The following IL37 variants were observed in gnomAD, a reference collection of about 807,000 sequenced individuals.
IL37 encodes the protein interleukin 37.
Under a neutral mutation model 15.4 loss-of-function variants are expected in IL37, and 15 were observed. The observed-to-expected ratio is 0.98, with a 90% CI of 0.65 to 1.50. The LOEUF (loss-of-function observed/expected upper bound fraction) is 1.50. IL37 is among the 40% of genes most tolerant of loss of function. The pLI is 0.00. For synonymous variants in IL37, 98 were observed against 97.4 expected, an observed-to-expected ratio of 1.01 and a Z score of -0.03; for missense variants, 269 against 261.7, an observed-to-expected ratio of 1.03 and a Z score of -0.19.
At position 112,913,842 on chromosome 2, in the gene IL37, T is replaced by A; in HGVS notation, c.133T>A (p.Phe45Ile). The stretch of plus-strand genomic sequence containing the variant: ...AGGCCCAAGCCTCCCCACCATGAAT[T>A]TTGTTCACACAAGTAAGGCCTCGGG... Reference protein sequence around the residue: ...EPGPSLPTMNFVHTSPKVKNL... With the variant: ...EPGPSLPTMNIVHTSPKVKNL... The change falls in exon 3 of 6, where the codon TTT becomes ATT. Residue 45 changes from phenylalanine to isoleucine, a missense_variant. Transcript: ENST00000263326. 6.2e-7 allele frequency: 1 copy of A among 1,613,632 alleles called. No individual in the cohort carries two copies.
intron 4 of IL37, 23 bp from the exon 5 acceptor site, chr2:112,917,612 A>G: frequency 6.5e-7 from 1 of 1,544,794 alleles, no homozygotes; most frequent in Non-Finnish European, 8.7e-7. Flanking sequence ...GAACCCACAC[A>G]TGTTCTGACT....
chr2:112,915,324 C>T (rs1418125583), intron 3 of IL37: 1 of 1,314,302 alleles, frequency 7.6e-7, no homozygotes, highest in African/African-American at 1.5e-5. Context: ...CAGTCTCACC[C>T]TGGACTAACT....
intron 5 of IL37, 126 bp from the exon 6 acceptor site, chr2:112,918,435 C>T: frequency 9.1e-7 from 1 of 1,104,524 alleles, no homozygotes; most frequent in Non-Finnish European, 1.3e-6. Context: ...GTCATCTTTC[C>T]CAAGGACCAT....
At chr2:112,914,286 C>A (rs1031624552) in intron 3 of IL37, among the ~76,000 whole-genome samples, 14 of 152,314 alleles carry the variant, frequency 9.2e-5, no homozygotes, top group African/African-American at 3.1e-4. Context: ...TTGAACACCA[C>A]AACACCCTAA....
intron 1 of IL37, 55 bp from the exon 2 acceptor site, chr2:112,912,908 C>A: frequency 1.3e-6 from 1 of 767,946 alleles, no homozygotes; most frequent in East Asian, 3.0e-5. Context: ...AGACATGCAG[C>A]AAGGTGTCCT....
rs1403697160 is a variant in IL37, at chr2:112,918,542, A to G, written c.409-19A>G. 1.9e-6 allele frequency: 3 copies of G among 1,601,736 alleles called. No individual in the cohort carries two copies. Among genetic ancestry groups the G allele is most frequent in the Non-Finnish European group, 2.6e-6 (3 of 1,173,640 alleles). On this transcript the variant is annotated intron_variant, in intron 5 of 5. Transcript: ENST00000263326. ...CTCTCAAAGCCTGTGCTATCTAATTAATCCCTTTTACCTCACAGAAGGAGA... is the reference window on the plus strand; with the variant it reads ...CTCTCAAAGCCTGTGCTATCTAATTGATCCCTTTTACCTCACAGAAGGAGA...
rs147989746 is a variant in IL37, at chr2:112,917,243, G to A, written c.260G>A (p.Arg87His). The A allele has an allele frequency of 1.4e-5, 23 of 1,613,658 alleles. No individual in the cohort carries two copies. Among genetic ancestry groups the A allele is most frequent in the Admixed American group, 3.3e-5 (2 of 59,978 alleles). The stretch of plus-strand genomic sequence containing the variant: ...GCAGTTCCAGATAAAAACTACATAC[G>A]CCCAGGTGACTCTCAGTTTTGGCTG... The part of the protein sequence containing the change: ...LIAVPDKNYI[R>H]PEIFFALASS... The change falls in exon 4 of 6, where the codon CGC becomes CAC. Residue 87 changes from arginine to histidine, a missense_variant. Coordinates refer to ENST00000263326, the MANE Select transcript of IL37 (RefSeq NM_014439.4).
At chr2:112,912,749 C>G (rs1374748984) in intron 1 of IL37, among the ~76,000 whole-genome samples, 2 of 152,190 alleles carry the variant, frequency 1.3e-5, no homozygotes, top group Non-Finnish European at 2.9e-5. Flanking sequence ...CTATTGCACC[C>G]CGTGTGTTAG....
chr2:112,916,104 T>A (rs141640509), intron 3 of IL37, among the ~76,000 whole-genome samples: 60 of 152,348 alleles, frequency 3.9e-4, no homozygotes, highest in African/African-American at 1.4e-3. Flanking sequence ...GCAGAGGCCA[T>A]GTGCTTATGG....
At chr2:112,915,154 G>A in intron 3 of IL37, 1 of 1,585,538 alleles carries the variant, frequency 6.3e-7, no homozygotes, top group African/African-American at 1.3e-5. Context: ...CCACTTAAGA[G>A]GATAGTGAAC....
rs1460342697 is a variant in IL37, at chr2:112,917,165, G to A, written c.182G>A (p.Ser61Asn). 3.1e-6 allele frequency: 5 copies of A among 1,613,990 alleles called. No homozygotes were observed. The highest frequency in any genetic ancestry group is 4.2e-6 in the Non-Finnish European group (5 of 1,179,958). Residue 61 changes from serine (S) to asparagine (N), a missense_variant, in exon 4 of 6, where the codon AGC (serine) becomes AAC (asparagine). By Grantham distance (46) the Ser-to-Asn change is conservative. Transcript: ENST00000263326. ...AAGAACTTAAACCCGAAGAAATTCA[G>A]CATTCATGACCAGGATCACAAAGTA... ...KVKNLNPKKF[S>N]IHDQDHKVLV...
At chr2:112,912,518 C>T (rs1683199079) in intron 1 of IL37, among the ~76,000 whole-genome samples, 1 of 152,112 alleles carries the variant, frequency 6.6e-6, no homozygotes, top group Non-Finnish European at 1.5e-5. Context: ...CTTTGCTTGC[C>T]AGATGATCTC....
rs778214549 is a variant in IL37, at chr2:112,917,822, G to A, written c.408+45G>A. ...TTCCTGGGCCTTTGGCTACCCCAAAGTAAAAGGCCAAGATCCTCAATGCCT... is the reference window on the plus strand; with the variant it reads ...TTCCTGGGCCTTTGGCTACCCCAAAATAAAAGGCCAAGATCCTCAATGCCT... On this transcript the variant is annotated intron_variant, in intron 5 of 5. Coordinates refer to ENST00000263326, the MANE Select transcript of IL37 (RefSeq NM_014439.4). 1.9e-6 allele frequency: 3 copies of A among 1,606,058 alleles called. No individual in the cohort carries two copies. In the African/African-American group the frequency reaches 4.0e-5, roughly 21 times the overall value.
At position 112,917,153 on chromosome 2, in the gene IL37, C is replaced by G. The variant is rs200591262; in HGVS notation, c.170C>G (p.Pro57Arg). 157 of 1,613,838 alleles carry G rather than the reference C, an allele frequency of 9.7e-5. No homozygotes were observed. Among genetic ancestry groups the G allele is most frequent in the Admixed American group, 4.3e-4 (26 of 59,988 alleles). The stretch of plus-strand genomic sequence containing the variant: ...GGTCCAAAGGTGAAGAACTTAAACC[C>G]GAAGAAATTCAGCATTCATGACCAG... ...HTSPKVKNLNPKKFSIHDQDH... is the reference protein window; with the variant it reads ...HTSPKVKNLNRKKFSIHDQDH... The change falls in exon 4 of 6, where the codon CCG (proline) becomes CGG (arginine). Residue 57 changes from proline to arginine, a missense_variant. By Grantham distance (103) the Pro-to-Arg change is moderately radical. Coordinates refer to ENST00000263326, the MANE Select transcript of IL37 (RefSeq NM_014439.4).
At chr2:112,918,461 T>G in intron 5 of IL37, 100 bp from the exon 6 acceptor site, 1 of 1,357,922 alleles carries the variant, frequency 7.4e-7, no homozygotes, top group Non-Finnish European at 1.0e-6. Context: ...TTCTCTCTTT[T>G]CCTCCTCTCC....
At chr2:112,912,676 T>C (rs1378586346) in intron 1 of IL37, among the ~76,000 whole-genome samples, 1 of 152,234 alleles carries the variant, frequency 6.6e-6, no homozygotes, top group Non-Finnish European at 1.5e-5. Context: ...GCCCCAAGAC[T>C]AGAGCAATGC....
At chr2:112,912,817 T>C (rs919975957) in intron 1 of IL37, among the ~76,000 whole-genome samples, 146 bp from the exon 2 acceptor site, 29 of 152,204 alleles carry the variant, frequency 1.9e-4, no homozygotes, top group African/African-American at 6.5e-4. Context: ...CAGGAGAGCA[T>C]GGTCTGGCCC....
chr2:112,917,771 G>C lies in IL37; in HGVS notation c.402G>C (p.Gln134His), dbSNP rs371826701. ...AAGGACAAAGTCATCCATCCCTTCA[G>C]CTGAAGGTGAGAGTTCTAGCTCAGT... is the stretch of plus-strand genomic sequence containing the variant. ...KDKGQSHPSL[Q>H]LKKEKLMKLA... Residue 134 changes from glutamine to histidine, a missense_variant, in exon 5 of 6, where the codon CAG becomes CAC. Coordinates refer to ENST00000263326, the MANE Select transcript of IL37 (RefSeq NM_014439.4). 7 of 1,614,004 alleles carry C rather than the reference G, an allele frequency of 4.3e-6. No homozygotes were observed. In the African/African-American group the frequency reaches 6.7e-5, roughly 15 times the overall value.
At chr2:112,918,432 T>A (rs1390836560) in intron 5 of IL37, 129 bp from the exon 6 acceptor site, 1 of 1,073,362 alleles carries the variant, frequency 9.3e-7, no homozygotes, top group Non-Finnish European at 1.3e-6. Flanking sequence ...CACGTCATCT[T>A]TCCCAAGGAC....
Sources: allele counts gnomAD v4.1 joint callset (sites outside exome capture counted in the v4.1 genomes callset), GRCh38; gene constraint gnomAD v4.1.1; transcripts MANE v1.5; gene names NCBI Gene and HGNC (gene_info 2026-07-23, HGNC 2026-07-21).